The following CNGB1 variants were observed in gnomAD, a reference collection of about 807,000 sequenced individuals.
CNGB1 encodes the protein cyclic nucleotide-gated channel beta-1.
Under a neutral mutation model 151.7 loss-of-function variants are expected in CNGB1, and 126 were observed. The observed-to-expected ratio is 0.83, with a 90% confidence interval of 0.72 to 0.96. The LOEUF is 0.96. CNGB1 is among the 40% of genes least tolerant of loss of function. The pLI, the probability that CNGB1 is intolerant of heterozygous loss-of-function variation, is 0.00. For synonymous variants in CNGB1, 623 were observed against 635.1 expected, an observed-to-expected ratio of 0.98 and a Z score of 0.29; for missense variants, 1,698 against 1,627.0, an observed-to-expected ratio of 1.04 and a Z score of -0.75.
In CNGB1 at chr16:57,887,901, A is replaced by G. The variant is rs761651354; in HGVS notation, c.3416T>C (p.Leu1139Pro). ...CTTTGCAGCCGCCTCCAGCGCGGCC[A>G]GTTCTTTGAGCCGGGCCCGGAGGTG... ...LAHLRARLKE[L>P]AALEAAAKQQ... is the part of the protein sequence containing the mutation. Residue 1139 changes from leucine to proline, a missense_variant, in exon 32 of 33, where the codon CTG (leucine) becomes CCG (proline). By Grantham distance (98) the Leu-to-Pro change is moderately conservative (BLOSUM62 -3). Transcript: ENST00000251102. 13 of 1,614,178 alleles carry G rather than the reference A, an allele frequency of 8.1e-6. No homozygotes were observed. The highest frequency in any genetic ancestry group is 1.6e-4 in the Middle Eastern group (1 of 6,062).
At position 57,959,950 on chromosome 16, in the gene CNGB1, T is replaced by C. The variant is rs1160710673; in HGVS notation, c.699A>G (p.Pro233=). ...GGGCCTGGGAGCCGGGCTGGGGCTC[T>C]GGAGCTGGTGCCTCCTTGGGTTCCT... ...PKEEPKEAPA[P]EPQPGSQAQT... The change falls in exon 10 of 33, where the codon CCA becomes CCG. Residue 233 remains proline (P), a synonymous_variant. Coordinates refer to ENST00000251102, the MANE Select transcript of CNGB1 (RefSeq NM_001297.5). 6.3e-7 allele frequency: 1 copy of C among 1,589,034 alleles called. No homozygotes were observed. Among genetic ancestry groups the C allele is most frequent in the Non-Finnish European group, 8.6e-7 (1 of 1,166,304 alleles).
rs1360687303 is a variant in CNGB1, at chr16:57,950,416, A to G, written c.999T>C (p.Tyr333=). ...SPQGTEVVPA[Y]EEENKAVEKM... Reference sequence around the variant, plus strand: ...TCTCCACAGCTTTGTTCTCTTCTTCATAAGCTGGAACCACCTCTGTACCCT... The same window carrying G: ...TCTCCACAGCTTTGTTCTCTTCTTCGTAAGCTGGAACCACCTCTGTACCCT... The change falls in exon 13 of 33, where the codon TAT becomes TAC. Residue 333 remains tyrosine (Y), a synonymous_variant. Transcript: ENST00000251102. 1.9e-6 allele frequency: 3 copies of G among 1,614,212 alleles called. No individual in the cohort carries two copies. The highest frequency in any genetic ancestry group is 1.7e-5 in the Admixed American group (1 of 60,032).
rs1055920959 is a variant in CNGB1 at position 57,912,026 on chromosome 16, G to A, written c.2370-151C>T. The A allele has an allele frequency of 1.4e-5, 14 of 1,001,810 alleles. No homozygotes were observed. In the African/African-American group the frequency reaches 2.2e-4, roughly 16 times the overall value. The allele number at this position is 1,001,810 out of a possible 1,614,324, so 62.1% of individuals were successfully genotyped here. A position where few individuals can be genotyped will look rare whatever the true frequency, so the allele number is the denominator to read the frequency against. The stretch of plus-strand genomic sequence containing the variant: ...GTTAGGAAGGGTGGTGCTTGAATGG[G>A]GCGTTGTCATGACCTGGGGCTAGGA... On this transcript the variant is annotated intron_variant, in intron 24 of 32. Coordinates refer to ENST00000251102, the MANE Select transcript of CNGB1 (RefSeq NM_001297.5).
rs726228 is a variant in CNGB1 at position 57,890,976 on chromosome 16, C to T, written c.3243-2902G>A. On this transcript the variant is annotated intron_variant, in intron 31 of 32. Coordinates refer to ENST00000251102, the MANE Select transcript of CNGB1 (RefSeq NM_001297.5). The stretch of plus-strand genomic sequence containing the variant: ...GCCTGGCTGCCTCCCACCCACACCT[C>T]AGCCTTCTCAGTGTGGACACAGGTG... 5.8e-4 allele frequency among the ~76,000 whole-genome samples: 88 copies of T among 152,348 alleles called. 1 individual carries two copies. The East Asian group carries it at 0.015, about 26-fold the overall frequency.
At chr16:57,964,352 C>T (rs1962335187) in intron 3 of CNGB1, 135 bp downstream of exon 3, 2 of 1,381,106 alleles carry the variant, frequency 1.4e-6, no homozygotes, top group Admixed American at 1.8e-5. Flanking sequence ...TCTCTGGGAG[C>T]CCACCCTTAG....
chr16:57,905,513 G>A (rs536392648), intron 25 of CNGB1, among the ~76,000 whole-genome samples: 7 of 152,328 alleles, frequency 4.6e-5, no homozygotes, highest in South Asian at 2.1e-4. Context: ...AGGGAGGTAT[G>A]GGGGAGGGTG....
chr16:57,950,610 G>A (rs1179085219), intron 12 of CNGB1, 70 bp from the exon 13 acceptor site: 4 of 1,568,760 alleles, frequency 2.5e-6, no homozygotes, highest in Non-Finnish European at 3.5e-6. Context: ...TGAGTCCCAG[G>A]GAGCCTGCAG....
chr16:57,959,555 T>C (rs920373348), intron 10 of CNGB1, among the ~76,000 whole-genome samples: 5 of 152,040 alleles, frequency 3.3e-5, no homozygotes, highest in African/African-American at 1.2e-4. Context: ...TGAGCAGAGA[T>C]TGCACCACTG....
intron 31 of CNGB1, among the ~76,000 whole-genome samples, chr16:57,894,472 A>G (rs1467132173): frequency 6.6e-6 from 1 of 152,110 alleles, no homozygotes; most frequent in Non-Finnish European, 1.5e-5. Flanking sequence ...ATGGTGGCAG[A>G]TGCCTGTAAT....
chr16:57,923,059 G>A, intron 18 of CNGB1: 1 of 445,440 alleles, frequency 2.2e-6, no homozygotes, highest in Non-Finnish European at 4.2e-6. Flanking sequence ...CGTGGACACA[G>A]CTGGGCCCAG....
intron 27 of CNGB1, 49 bp from the exon 28 acceptor site, chr16:57,901,674 C>A (rs1448802572): frequency 2.6e-6 from 4 of 1,510,004 alleles, no homozygotes; most frequent in Non-Finnish European, 3.7e-6. Flanking sequence ...GGCCCCACCC[C>A]AGACATACAT....
At chr16:57,905,240 T>A (rs1303732372) in intron 25 of CNGB1, among the ~76,000 whole-genome samples, 2 of 152,178 alleles carry the variant, frequency 1.3e-5, no homozygotes, top group African/African-American at 2.4e-5. Context: ...CAATTTTCAG[T>A]CTTTTCATTT....
rs766047712 is a variant in CNGB1, at chr16:57,939,528, G to T, written c.1274C>A (p.Ala425Asp). 1 of 1,613,930 alleles carries T rather than the reference G, an allele frequency of 6.2e-7. No homozygotes were observed. Among genetic ancestry groups the T allele is most frequent in the South Asian group, 1.1e-5 (1 of 91,072 alleles). The change falls in exon 16 of 33, where the codon GCC becomes GAC. Residue 425 changes from alanine to aspartate, a missense_variant. Physicochemically the swap from Ala to Asp is moderately radical, Grantham distance 126. Transcript: ENST00000251102. The part of the protein sequence containing the change: ...KEAEEKAKEE[A>D]EEVAEEEAEK... ...AGCCTCCTCTTCAGCCACCTCCTCG[G>T]CCTCCTCCTTGGCCTTCTCTTCAGC...
chr16:57,959,440 C>A (rs1476474172), intron 10 of CNGB1, among the ~76,000 whole-genome samples: 1 of 152,084 alleles, frequency 6.6e-6, no homozygotes, highest in African/African-American at 2.4e-5. Context: ...ATGGCGAAAC[C>A]CCGTCTCTAC....
chr16:57,915,423 C>A, intron 22 of CNGB1, 88 bp from the exon 23 acceptor site: 1 of 1,040,886 alleles, frequency 9.6e-7, no homozygotes, highest in Non-Finnish European at 1.5e-6. Context: ...CTCTCCCTTC[C>A]ATGGAAAGGT....
intron 10 of CNGB1, among the ~76,000 whole-genome samples, chr16:57,959,150 G>A (rs773397923): frequency 6.6e-6 from 1 of 152,080 alleles, no homozygotes; most frequent in African/African-American, 2.4e-5. Context: ...AATGATGCAT[G>A]CACGGGTTAT....
chr16:57,961,147 C>T (rs1006545513), intron 7 of CNGB1, among the ~76,000 whole-genome samples: 4 of 152,176 alleles, frequency 2.6e-5, no homozygotes, highest in East Asian at 3.9e-4. Flanking sequence ...GCCATGGCCT[C>T]CTGGGGCAGC....
chr16:57,905,883 A>AT (rs1960537022), intron 25 of CNGB1, among the ~76,000 whole-genome samples: 2 of 152,238 alleles, frequency 1.3e-5, no homozygotes, highest in Admixed American at 1.3e-4. Flanking sequence ...ACAGTGAAAA[A>AT]TAAGTTTCTG....
At chr16:57,884,528 C>T in intron 32 of CNGB1, 71 bp from the exon 33 acceptor site, 1 of 1,568,390 alleles carries the variant, frequency 6.4e-7, no homozygotes, top group Non-Finnish European at 8.7e-7. Context: ...TTGGACACCT[C>T]CCTGTTCCAG....
Sources: gnomAD v4.1 joint callset for allele counts (sites outside exome capture counted in the v4.1 genomes callset) on GRCh38, gnomAD v4.1.1 for gene constraint, MANE v1.5 for transcripts, NCBI Gene and HGNC (gene_info 2026-07-23, HGNC 2026-07-21) for gene names.